The following NET1 variants were observed in gnomAD, a reference collection of about 807,000 sequenced individuals.
The protein encoded by NET1 is neuroepithelial cell-transforming gene 1 protein.
A neutral mutation model predicts 61.1 loss-of-function variants in NET1; 42 were observed. The observed-to-expected ratio is 0.69, with a 90% CI of 0.54 to 0.89. NET1 has a LOEUF of 0.89. NET1 is among the 40% of genes least tolerant of loss of function. The probability of loss-of-function intolerance (pLI) is 0.00; values close to 1 mark genes in which losing one functional copy is unlikely to be tolerated. For synonymous variants in NET1, 254 were observed against 281.8 expected (o/e 0.90, Z 0.99); for missense variants, 654 against 747.3 (o/e 0.88, Z 1.46).
chr10:5,443,869 C>T lies in NET1; in HGVS notation c.256-7961C>T, dbSNP rs1216939193. Among the ~76,000 whole-genome samples, 3 of 152,204 alleles carry T rather than the reference C, an allele frequency of 2.0e-5. No homozygotes were observed. Among genetic ancestry groups the T allele is most frequent in the African/African-American group, 7.2e-5 (3 of 41,446 alleles). ...AGTGGAAAAACAGTTTCAAGAAAGA[C>T]ATCGGGTAAGAATCCCAGGAGAACT... is the stretch of plus-strand genomic sequence containing the variant. On this transcript the variant is annotated intron_variant, in intron 3 of 11. Coordinates refer to ENST00000355029, the MANE Select transcript of NET1 (RefSeq NM_001047160.3). This position sits in a 1 kb window ranked among gnomAD's most constrained non-coding sequence, Gnocchi z 4.8.
chr10:5,458,471 G>A lies in NET1; in HGVS notation c.*1477G>A, dbSNP rs1250920389. 6.6e-6 allele frequency: 1 copy of A among 152,068 alleles called. No homozygotes were observed. Among genetic ancestry groups the A allele is most frequent in the Non-Finnish European group, 1.5e-5 (1 of 67,938 alleles). 9.4% of individuals were successfully genotyped at this position (152,068 alleles called of 1,614,324 possible). On this transcript the variant is annotated 3_prime_UTR_variant, in exon 12 of 12. Coordinates refer to ENST00000355029, the MANE Select transcript of NET1 (RefSeq NM_001047160.3). The surrounding 1 kb of genome is among the most constrained non-coding windows in gnomAD (Gnocchi z 4.5). The stretch of plus-strand genomic sequence containing the variant: ...AAAAAAGCACACACATAATCACCCT[G>A]AAGGTTTCTTGCCTGGTGGCTATGT...
rs1198415904 is a variant in NET1 at position 5,435,478 on chromosome 10, T to G, written c.255+6249T>G. 8.6e-4 allele frequency among the ~76,000 whole-genome samples: 3 copies of G among 3,494 alleles called. No individual in the cohort carries two copies. Among genetic ancestry groups the G allele is most frequent in the Non-Finnish European group, 3.8e-3 (3 of 780 alleles). The allele number at this position is 3,494 out of a possible 152,430, so 2.3% of individuals were successfully genotyped here. On this transcript the variant is annotated intron_variant, in intron 3 of 11. Coordinates refer to ENST00000355029, the MANE Select transcript of NET1 (RefSeq NM_001047160.3). The surrounding 1 kb of genome is among the most constrained non-coding windows in gnomAD (Gnocchi z 5.0). Reference sequence around the variant, plus strand: ...ACTTTATATGCCTCCGTGCCTGAGATAGATAGATAGATAGATAGATAGATA... The same window carrying G: ...ACTTTATATGCCTCCGTGCCTGAGAGAGATAGATAGATAGATAGATAGATA...
At position 5,453,534 on chromosome 10, in the gene NET1, C is replaced by G. The variant is rs766884323; in HGVS notation, c.742C>G (p.Gln248Glu). ...AACCAAGCCTGATGGAACAGTGGAGCAGATTGGTCACATTCTCGTGAGCTG... is the reference window on the plus strand; with the variant it reads ...AACCAAGCCTGATGGAACAGTGGAGGAGATTGGTCACATTCTCGTGAGCTG... ...EATKPDGTVE[Q>E]IGHILVSWLP... The change falls in exon 8 of 12, where the codon CAG becomes GAG. Residue 248 changes from glutamine (Q) to glutamate (E), a missense_variant. Gln to Glu is a conservative substitution (Grantham distance 29). Coordinates refer to ENST00000355029, the MANE Select transcript of NET1 (RefSeq NM_001047160.3). This position sits in a 1 kb window ranked among gnomAD's most constrained non-coding sequence, Gnocchi z 4.9. 6.2e-7 allele frequency: 1 copy of G among 1,614,116 alleles called. No individual in the cohort carries two copies. Among genetic ancestry groups the G allele is most frequent in the South Asian group, 1.1e-5 (1 of 91,082 alleles).
At chr10:5,414,296 G>A (rs1314076910) in intron 1 of NET1, among the ~76,000 whole-genome samples, 2 of 152,102 alleles carry the variant, frequency 1.3e-5, no homozygotes, top group African/African-American at 4.8e-5. Context: ...ATGGTAATGG[G>A]GAAATACTGA....
rs374018048 is a variant in NET1 at position 5,456,778 on chromosome 10, C to T, written c.1575C>T (p.Asn525=). The T allele has an allele frequency of 1.2e-6, 2 of 1,613,180 alleles. No individual in the cohort carries two copies. The highest frequency in any genetic ancestry group is 1.3e-5 in the African/African-American group (1 of 75,002). Residue 525 remains asparagine (N), a synonymous_variant, in exon 12 of 12, where the codon AAC becomes AAT. Coordinates refer to ENST00000355029, the MANE Select transcript of NET1 (RefSeq NM_001047160.3). The surrounding 1 kb of genome is among the most constrained non-coding windows in gnomAD (Gnocchi z 7.0). The part of the protein sequence containing the change: ...LPELHEECEG[N]HPSARKLTAQ... The stretch of plus-strand genomic sequence containing the variant: ...AGCTGCACGAAGAGTGTGAGGGGAA[C>T]CACCCCTCTGCGAGGAAACTCACAG...
intron 3 of NET1, among the ~76,000 whole-genome samples, chr10:5,436,186 T>G (rs12247607): frequency 4.7e-5 from 1 of 21,296 alleles, no homozygotes; most frequent in Admixed American, 7.8e-4. Flanking sequence ...TGTGTGTGTG[T>G]TGTGTGTGTG....
chr10:5,424,881 G>A lies in NET1; in HGVS notation c.129-1774G>A, dbSNP rs1248520116. On this transcript the variant is annotated intron_variant, in intron 1 of 11. Coordinates refer to ENST00000355029, the MANE Select transcript of NET1 (RefSeq NM_001047160.3). This position sits in a 1 kb window ranked among gnomAD's most constrained non-coding sequence, Gnocchi z 6.1. ...CTCTAATCTTGTTACTGCTGCCAGAGCCCCAGTCATCTTTTGTAAGCAATA... is the reference window on the plus strand; with the variant it reads ...CTCTAATCTTGTTACTGCTGCCAGAACCCCAGTCATCTTTTGTAAGCAATA... Among the ~76,000 whole-genome samples, 3 of 152,060 alleles carry A rather than the reference G, an allele frequency of 2.0e-5. No homozygotes were observed. The highest frequency in any genetic ancestry group is 2.9e-5 in the Non-Finnish European group (2 of 68,006).
chr10:5,454,546 T>A lies in NET1; in HGVS notation c.1026+24T>A. ...CTGTAAGTAGTCCCTTAAGTGATTG[T>A]TTTGTTTTTTAAGTTTATACATTAG... On this transcript the variant is annotated intron_variant, in intron 9 of 11. Transcript: ENST00000355029. The surrounding 1 kb of genome is among the most constrained non-coding windows in gnomAD (Gnocchi z 8.1). The A allele has an allele frequency of 6.3e-7, 1 of 1,594,472 alleles. No homozygotes were observed. The highest frequency in any genetic ancestry group is 8.5e-7 in the Non-Finnish European group (1 of 1,172,954).
At chr10:5,418,678 T>A (rs1241962325) in intron 1 of NET1, among the ~76,000 whole-genome samples, 1 of 152,184 alleles carries the variant, frequency 6.6e-6, no homozygotes, top group Admixed American at 6.5e-5. Flanking sequence ...TCTTCCTGCT[T>A]AGTAATCTGA....
Position 5,422,879 on chromosome 10 carries a change from G to T in NET1, c.129-3776G>T, listed in dbSNP as rs553226264. ...AATTGTTTCTATAATAATTTAGTTTGTTTTTGCCTGATTTGCAAAGAAATT... is the reference window on the plus strand; with the variant it reads ...AATTGTTTCTATAATAATTTAGTTTTTTTTTGCCTGATTTGCAAAGAAATT... On this transcript the variant is annotated intron_variant, in intron 1 of 11. Transcript: ENST00000355029. This position sits in a 1 kb window ranked among gnomAD's most constrained non-coding sequence, Gnocchi z 4.1. Among the ~76,000 whole-genome samples the T allele has an allele frequency of 4.6e-5, 7 of 152,270 alleles. No homozygotes were observed. The South Asian group carries it at 1.2e-3, about 27-fold the overall frequency.
chr10:5,414,338 T>C (rs965617702), intron 1 of NET1, among the ~76,000 whole-genome samples: 1 of 152,190 alleles, frequency 6.6e-6, no homozygotes, highest in Non-Finnish European at 1.5e-5. Context: ...GCATGACATA[T>C]TTGCATTTTA....
At chr10:5,428,783 C>T (rs1374926624) in intron 2 of NET1, among the ~76,000 whole-genome samples, 4 of 149,938 alleles carry the variant, frequency 2.7e-5, no homozygotes, top group South Asian at 2.1e-4. Flanking sequence ...AGTGCAGTGG[C>T]GCAATCTCGG....
Position 5,439,212 on chromosome 10 carries a change from A to G in NET1, c.255+9983A>G, listed in dbSNP as rs1365607178. The stretch of plus-strand genomic sequence containing the variant: ...CACAGAGTGAACAACCAAGTGCATT[A>G]CTGACACTGGAGTGTTCTCCTTTGC... On this transcript the variant is annotated intron_variant, in intron 3 of 11. Coordinates refer to ENST00000355029, the MANE Select transcript of NET1 (RefSeq NM_001047160.3). This position sits in a 1 kb window ranked among gnomAD's most constrained non-coding sequence, Gnocchi z 4.8. 6.6e-6 allele frequency among the ~76,000 whole-genome samples: 1 copy of G among 152,224 alleles called. No individual in the cohort carries two copies. The highest frequency in any genetic ancestry group is 6.5e-5 in the Admixed American group (1 of 15,282).
chr10:5,412,808 A>T lies in NET1; in HGVS notation c.116A>T (p.Glu39Val). Residue 39 changes from glutamate to valine, a missense_variant, in exon 1 of 12, where the codon GAG (glutamate) becomes GTG (valine). Glu to Val is a moderately radical substitution (Grantham distance 121). Coordinates refer to ENST00000355029, the MANE Select transcript of NET1 (RefSeq NM_001047160.3). This position sits in a 1 kb window ranked among gnomAD's most constrained non-coding sequence, Gnocchi z 6.5. ...CCTTCGGCCGACACCTCCGGGTCGG[A>T]GCTGGACGGGAGGTGAGTGTGGGGG... The part of the protein sequence containing the change: ...TGPSADTSGS[E>V]LDGRCSLRRG... 7.0e-7 allele frequency: 1 copy of T among 1,422,216 alleles called. No homozygotes were observed. The highest frequency in any genetic ancestry group is 9.2e-7 in the Non-Finnish European group (1 of 1,091,716). 88.1% of individuals were successfully genotyped at this position (1,422,216 alleles called of 1,614,324 possible).
intron 1 of NET1, among the ~76,000 whole-genome samples, chr10:5,418,150 G>A (rs1267575593): frequency 6.6e-6 from 1 of 152,032 alleles, no homozygotes; most frequent in Admixed American, 6.6e-5. Flanking sequence ...TTGGTATTGG[G>A]ATAATACTGG....
chr10:5,422,572 G>A lies in NET1; in HGVS notation c.129-4083G>A, dbSNP rs1832194134. Among the ~76,000 whole-genome samples, 1 of 152,116 alleles carries A rather than the reference G, an allele frequency of 6.6e-6. No homozygotes were observed. Among genetic ancestry groups the A allele is most frequent in the Non-Finnish European group, 1.5e-5 (1 of 68,018 alleles). On this transcript the variant is annotated intron_variant, in intron 1 of 11. Transcript: ENST00000355029. The surrounding 1 kb of genome is among the most constrained non-coding windows in gnomAD (Gnocchi z 4.1). ...CCTCTTCCCTGAATTTGCTGCTGTG[G>A]GCAAGGCCTGAGAATTAATGCAGGA...
chr10:5,418,763 T>C (rs1184730298), intron 1 of NET1, among the ~76,000 whole-genome samples: 1 of 152,196 alleles, frequency 6.6e-6, no homozygotes, highest in African/African-American at 2.4e-5. Context: ...GATTATAGAT[T>C]AAGTTACTGA....
chr10:5,452,551 T>C lies in NET1; in HGVS notation c.531+26T>C. 6.3e-7 allele frequency: 1 copy of C among 1,577,186 alleles called. No homozygotes were observed. The highest frequency in any genetic ancestry group is 8.6e-7 in the Non-Finnish European group (1 of 1,161,854). ...GTATGCTGGCACTCAGTGTACATGT[T>C]TTCCCAAAAGAACAGCAAATTGATG... On this transcript the variant is annotated intron_variant, in intron 5 of 11. Coordinates refer to ENST00000355029, the MANE Select transcript of NET1 (RefSeq NM_001047160.3). This position sits in a 1 kb window ranked among gnomAD's most constrained non-coding sequence, Gnocchi z 4.0.
In NET1 at chr10:5,453,040, C is replaced by A; in HGVS notation, c.594+120C>A. On this transcript the variant is annotated intron_variant, in intron 6 of 11. Transcript: ENST00000355029. The surrounding 1 kb of genome is among the most constrained non-coding windows in gnomAD (Gnocchi z 4.9). ...AATAGAAAATATCTACTGGTGAATACATTTTTTTTAGGTGAGGTCTAGACA... is the reference window on the plus strand; with the variant it reads ...AATAGAAAATATCTACTGGTGAATAAATTTTTTTTAGGTGAGGTCTAGACA... The A allele has an allele frequency of 2.5e-6, 2 of 793,060 alleles. No individual in the cohort carries two copies. The highest frequency in any genetic ancestry group is 2.1e-6 in the Non-Finnish European group (1 of 473,116). The allele number at this position is 793,060 out of a possible 1,614,324, so 49.1% of individuals were successfully genotyped here.
Sources: allele counts gnomAD v4.1 joint callset (sites outside exome capture counted in the v4.1 genomes callset), GRCh38; gene constraint gnomAD v4.1.1; non-coding constraint Gnocchi (gnomAD v3.1); transcripts MANE v1.5; gene names NCBI Gene and HGNC (gene_info 2026-07-23, HGNC 2026-07-21).